Variants in LAIR1 observed in about 807,000 individuals in gnomAD.
LAIR1 encodes the protein leukocyte associated immunoglobulin like receptor 1, also known as leukocyte-associated immunoglobulin-like receptor 1.
In LAIR1, 24 loss-of-function variants were observed where a neutral mutation model predicts 32.8. The ratio of observed to expected loss-of-function variants is 0.73; its 90% CI spans 0.53 to 1.03. The LOEUF is 1.03. LAIR1 is among the 50% of genes least tolerant of loss of function. LAIR1 has a pLI of 0.00. For missense variants in LAIR1, 355 were observed against 347.5 expected, an observed-to-expected ratio of 1.02 and a Z score of -0.17; for synonymous variants, 150 against 140.5, an observed-to-expected ratio of 1.07 and a Z score of -0.48.
intron 2 of LAIR1, among the ~76,000 whole-genome samples, chr19:54,361,790 A>T (rs1328756356): frequency 2.0e-5 from 3 of 151,572 alleles, no homozygotes; most frequent in African/African-American, 7.3e-5. Flanking sequence ...GCTAATGCAG[A>T]TCTCTGTGGA....
chr19:54,361,132 G>A lies in LAIR1; in HGVS notation c.148C>T (p.Arg50Trp), dbSNP rs774921277. 1.2e-5 allele frequency: 20 copies of A among 1,614,000 alleles called. No individual in the cohort carries two copies. Among genetic ancestry groups the A allele is most frequent in the African/African-American group, 4.0e-5 (3 of 74,896 alleles). ...PLGSHVTFVC[R>W]GPVGVQTFRL... ...AATGTTTGAACCCCAACCGGGCCCC[G>A]GCACACGAAAGTCACATGGCTCCCC... Residue 50 changes from arginine to tryptophan, a missense_variant, in exon 3 of 10, where the codon CGG becomes TGG. Physicochemically the swap from Arg to Trp is moderately radical, Grantham distance 101. Coordinates refer to ENST00000391742, the MANE Select transcript of LAIR1 (RefSeq NM_002287.6).
At chr19:54,357,845 T>C (rs973139510) in intron 4 of LAIR1, among the ~76,000 whole-genome samples, 7 of 151,806 alleles carry the variant, frequency 4.6e-5, no homozygotes, top group African/African-American at 1.7e-4. Flanking sequence ...TCGTCCACGG[T>C]CTAAGGTCCA....
rs1219619839 is a variant in LAIR1, at chr19:54,359,282, GAGTTTCTGGTCAC to G, written c.415+727_415+739del. Among the ~76,000 whole-genome samples the G allele has an allele frequency of 2.0e-5, 3 of 151,842 alleles. No homozygotes were observed. In the East Asian group the frequency reaches 5.8e-4, roughly 29 times the overall value. On this transcript the variant is annotated intron_variant, in intron 4 of 9. Transcript: ENST00000391742. Reference sequence around the variant, plus strand: ...CTTATGACCCCGTGTCCTCCCCTGGGAGTTTCTGGTCACAGATCACAGGGGGAGATGGACAACT... The same window carrying G: ...CTTATGACCCCGTGTCCTCCCCTGGGAGATCACAGGGGGAGATGGACAACT...
chr19:54,360,815 G>T, intron 3 of LAIR1, 101 bp downstream of exon 3: 1 of 1,168,178 alleles, frequency 8.6e-7, no homozygotes, highest in South Asian at 1.4e-5. Context: ...AGGAGGACAA[G>T]GTTGGCCACA....
At chr19:54,372,236 A>T (rs1025030777), upstream of LAIR1, among the ~76,000 whole-genome samples, 4 of 151,588 alleles carry the variant, frequency 2.6e-5, no homozygotes, top group African/African-American at 9.8e-5. Flanking sequence ...CCATTTGGCA[A>T]TCCCACCAGC....
upstream of LAIR1, among the ~76,000 whole-genome samples, chr19:54,370,970 G>T (rs1312967532): frequency 5.3e-5 from 8 of 149,592 alleles, no homozygotes; most frequent in Non-Finnish European, 1.0e-4. Flanking sequence ...TTTTCTTTTT[G>T]CTTTTTTTTT....
chr19:54,372,791 T>C (rs545683589), upstream of LAIR1, among the ~76,000 whole-genome samples: 1 of 151,360 alleles, frequency 6.6e-6, no homozygotes, highest in African/African-American at 2.5e-5. Flanking sequence ...CCCGGCCTCC[T>C]TATAAACTTC....
upstream of LAIR1, among the ~76,000 whole-genome samples, chr19:54,369,121 C>G (rs2082342513): frequency 6.7e-6 from 1 of 148,496 alleles, no homozygotes; most frequent in Non-Finnish European, 1.5e-5. Flanking sequence ...ACGACCCCAG[C>G]ACATCCGCCA....
chr19:54,357,104 C>A, intron 4 of LAIR1, 138 bp from the exon 5 acceptor site: 2 of 680,194 alleles, frequency 2.9e-6, no homozygotes, highest in Non-Finnish European at 5.1e-6. Flanking sequence ...CCAGCACCGA[C>A]CAGCAGAGTC....
upstream of LAIR1, among the ~76,000 whole-genome samples, chr19:54,366,398 C>T (rs1204253868): frequency 3.3e-5 from 5 of 152,300 alleles, no homozygotes; most frequent in East Asian, 1.9e-4. Flanking sequence ...GGAACTAGAG[C>T]GAAAGCCACC....
At position 54,357,204 on chromosome 19, in the gene LAIR1, G is replaced by T. The variant is rs766465652; in HGVS notation, c.416-238C>A. On this transcript the variant is annotated intron_variant, in intron 4 of 9. Transcript: ENST00000391742. The stretch of plus-strand genomic sequence containing the variant: ...ATTTAAATTTATCCAAAGTTGAATG[G>T]CATGAGAAGCTGGCTGCACCGTCTG... 49 of 552,746 alleles carry T rather than the reference G, an allele frequency of 8.9e-5. No individual in the cohort carries two copies. In the Middle Eastern group the frequency reaches 1.4e-3, roughly 16 times the overall value. The allele number at this position is 552,746 out of a possible 1,614,324, so 34.2% of individuals were successfully genotyped here.
upstream of LAIR1, among the ~76,000 whole-genome samples, chr19:54,371,678 A>G (rs547075653): frequency 6.6e-6 from 1 of 151,660 alleles, no homozygotes; most frequent in African/African-American, 2.4e-5. Flanking sequence ...GCACGCATCA[A>G]TGTCTTCTTA....
chr19:54,364,666 A>G lies in LAIR1; in HGVS notation c.34+105T>C. On this transcript the variant is annotated intron_variant, in intron 1 of 9. Transcript: ENST00000391742. This position sits in a 1 kb window ranked among gnomAD's most constrained non-coding sequence, Gnocchi z 4.8. ...GCAGGGCAGTCTTGGGAGGAGGAGG[A>G]CACTTTCCTCCCCAGAATCTTCTGG... is the stretch of plus-strand genomic sequence containing the variant. The G allele has an allele frequency of 9.9e-7, 1 of 1,013,280 alleles. No homozygotes were observed. The highest frequency in any genetic ancestry group is 1.6e-6 in the Non-Finnish European group (1 of 639,346). 62.8% of individuals were successfully genotyped at this position (1,013,280 alleles called of 1,614,324 possible).
intron 2 of LAIR1, among the ~76,000 whole-genome samples, chr19:54,362,460 GA>G (rs2082071873): frequency 6.6e-6 from 1 of 152,172 alleles, no homozygotes. Flanking sequence ...CAGAAGGGAG[GA>G]CCGGTATTGA....
the LAIR1 span, among the ~76,000 whole-genome samples, chr19:54,375,707 G>A: frequency 2.0e-5 from 3 of 151,824 alleles, no homozygotes; most frequent in Non-Finnish European, 4.4e-5. Context: ...CTTCATCAAG[G>A]GGGCTTGGTC....
At chr19:54,361,559 G>C (rs1317784004) in intron 2 of LAIR1, among the ~76,000 whole-genome samples, 3 of 151,792 alleles carry the variant, frequency 2.0e-5, no homozygotes, top group Admixed American at 6.6e-5. Context: ...GGGAGGCACA[G>C]GATGGGGATG....
At chr19:54,363,591 A>G (rs901375768) in intron 2 of LAIR1, among the ~76,000 whole-genome samples, 14 of 152,226 alleles carry the variant, frequency 9.2e-5, no homozygotes, top group African/African-American at 3.4e-4. Context: ...TGTGCTGTGT[A>G]TATGCAATGG....
At chr19:54,360,794 T>G in intron 3 of LAIR1, 122 bp downstream of exon 3, 1 of 717,398 alleles carries the variant, frequency 1.4e-6, no homozygotes, top group South Asian at 1.7e-5. Context: ...AGGGGAGGGC[T>G]TGGGGTCAGG....
chr19:54,358,450 T>C, intron 4 of LAIR1: 3 of 868,636 alleles, frequency 3.5e-6, no homozygotes, highest in Non-Finnish European at 4.8e-6. Context: ...AAATTATAGG[T>C]CTGAAATTCT....
Sources: gnomAD v4.1 joint callset for allele counts (sites outside exome capture counted in the v4.1 genomes callset) on GRCh38, gnomAD v4.1.1 for gene constraint, Gnocchi (gnomAD v3.1) non-coding constraint, MANE v1.5 for transcripts, NCBI Gene and HGNC (gene_info 2026-07-23, HGNC 2026-07-21) for gene names.